CADPS2: variants seen among roughly 807,000 people sequenced by gnomAD.
CADPS2 encodes the protein calcium dependent secretion activator 2.
A neutral mutation model predicts 172.5 loss-of-function variants in CADPS2; 93 were observed. That is an observed-to-expected ratio of 0.54 (90% CI 0.46 to 0.64). CADPS2 has a LOEUF of 0.64. CADPS2 is among the 30% of genes least tolerant of loss of function. The pLI is 0.00. For synonymous variants in CADPS2, 546 were observed against 555.2 expected, an observed-to-expected ratio of 0.98 and a Z score of 0.23; for missense variants, 1,420 against 1,565.9, an observed-to-expected ratio of 0.91 and a Z score of 1.57.
intron 1 of CADPS2, among the ~76,000 whole-genome samples, chr7:122,856,273 A>T (rs897974652): frequency 1.8e-4 from 27 of 152,160 alleles, no homozygotes; most frequent in African/African-American, 5.1e-4. Context: ...AATATCCCCA[A>T]ATCTTTTTCT....
At chr7:122,645,543 T>C (rs1159133064) in intron 3 of CADPS2, among the ~76,000 whole-genome samples, 1 of 120,444 alleles carries the variant, frequency 8.3e-6, no homozygotes, top group African/African-American at 3.6e-5. Context: ...TATATATACT[T>C]ATATATATAC....
At position 122,516,006 on chromosome 7, in the gene CADPS2, T is replaced by C. The variant is rs1254910425; in HGVS notation, c.1476-2691A>G. ...CATCAAAATGACAGATTAACAAAAT[T>C]GGATTAAAATATATGGTTTCTTTGA... On this transcript the variant is annotated intron_variant, in intron 8 of 29. Coordinates refer to ENST00000449022, the MANE Select transcript of CADPS2 (RefSeq NM_017954.11). 3.3e-5 allele frequency among the ~76,000 whole-genome samples: 5 copies of C among 151,950 alleles called. No homozygotes were observed. In the East Asian group the frequency reaches 9.6e-4, roughly 29 times the overall value.
intron 29 of CADPS2, among the ~76,000 whole-genome samples, chr7:122,324,308 TA>T (rs1394318733): frequency 1.3e-5 from 2 of 152,154 alleles, no homozygotes; most frequent in African/African-American, 2.4e-5. Flanking sequence ...CAAGCAGGCA[TA>T]AAAATAATTT....
At chr7:122,720,455 C>A (rs1588718727) in intron 2 of CADPS2, among the ~76,000 whole-genome samples, 2 of 149,448 alleles carry the variant, frequency 1.3e-5, no homozygotes, top group African/African-American at 4.9e-5. Flanking sequence ...TACATATCTA[C>A]ATGTATATGT....
At chr7:122,573,560 C>T (rs901747040) in intron 7 of CADPS2, among the ~76,000 whole-genome samples, 10 of 152,030 alleles carry the variant, frequency 6.6e-5, no homozygotes, top group South Asian at 6.2e-4. Context: ...AAAAAACCCT[C>T]TTCAGGCAGC....
At chr7:122,719,266 GGAGA>G (rs893346093) in intron 2 of CADPS2, among the ~76,000 whole-genome samples, 11 of 151,976 alleles carry the variant, frequency 7.2e-5, no homozygotes, top group Admixed American at 3.9e-4. Context: ...AAGGGGTGGG[GGAGA>G]GAGAAAGGGA....
intron 1 of CADPS2, among the ~76,000 whole-genome samples, chr7:122,863,822 G>A (rs971863387): frequency 2.6e-5 from 4 of 152,288 alleles, no homozygotes; most frequent in African/African-American, 2.4e-5. Context: ...CTGAGGTCAG[G>A]CATTTGAGAA....
At chr7:122,416,028 T>C (rs1220242204) in intron 18 of CADPS2, 33 bp downstream of exon 18, 3 of 1,360,292 alleles carry the variant, frequency 2.2e-6, no homozygotes, top group East Asian at 2.5e-5. Flanking sequence ...GCCTTACATA[T>C]AGCTTTATAC....
chr7:122,760,818 G>A (rs1051592190), intron 1 of CADPS2, among the ~76,000 whole-genome samples: 2 of 133,960 alleles, frequency 1.5e-5, no homozygotes, highest in South Asian at 2.8e-4. Context: ...GTTGTGGGGT[G>A]GGGGGAGGGG....
intron 1 of CADPS2, among the ~76,000 whole-genome samples, chr7:122,764,041 G>A (rs1021351998): frequency 3.3e-5 from 5 of 151,942 alleles, no homozygotes; most frequent in East Asian, 1.9e-4. Flanking sequence ...TAAGATGCTC[G>A]AGCTTTTTGG....
chr7:122,596,239 G>A (rs183597697), intron 6 of CADPS2, among the ~76,000 whole-genome samples: 3 of 152,184 alleles, frequency 2.0e-5, no homozygotes, highest in South Asian at 2.1e-4. Context: ...GAACATTTAA[G>A]CTCATTTTGT....
chr7:122,672,398 C>T (rs183091796), intron 2 of CADPS2, among the ~76,000 whole-genome samples: 2 of 152,194 alleles, frequency 1.3e-5, no homozygotes, highest in African/African-American at 2.4e-5. Context: ...ATGCTGGTGT[C>T]GAAGCTGTCA....
chr7:122,380,496 C>CA (rs2042868585), intron 24 of CADPS2, among the ~76,000 whole-genome samples: 1 of 151,246 alleles, frequency 6.6e-6, no homozygotes, highest in African/African-American at 2.4e-5. Context: ...AAACATGTCT[C>CA]AAAGTTTCCA....
chr7:122,806,449 G>C (rs1798817906), intron 1 of CADPS2, among the ~76,000 whole-genome samples: 1 of 152,132 alleles, frequency 6.6e-6, no homozygotes, highest in African/African-American at 2.4e-5. Flanking sequence ...TATCTCTTTA[G>C]TTACTTCACT....
At chr7:122,442,783 AG>A (rs2051534318) in intron 15 of CADPS2, among the ~76,000 whole-genome samples, 1 of 151,274 alleles carries the variant, frequency 6.6e-6, no homozygotes, top group East Asian at 1.9e-4. Context: ...TAGTCACTCA[AG>A]TTTTTTTTTT....
rs1467772560 is a variant in CADPS2 at position 122,645,223 on chromosome 7, TAC to T, written c.787-15897_787-15896del. Among the ~76,000 whole-genome samples the T allele has an allele frequency of 6.0e-5, 4 of 66,770 alleles. No homozygotes were observed. In the East Asian group the frequency reaches 2.0e-3, roughly 34 times the overall value. 43.8% of individuals were successfully genotyped at this position (66,770 alleles called of 152,430 possible). A position where few individuals can be genotyped will look rare whatever the true frequency, so the allele number is the denominator to read the frequency against. On this transcript the variant is annotated intron_variant, in intron 3 of 29. Transcript: ENST00000449022. ...ATATGTATATACATAAGTATATATA[TAC>T]GCTAAGTATATATATACACACATGT... is the stretch of plus-strand genomic sequence containing the variant.
At chr7:122,447,059 A>G (rs1239298544) in intron 15 of CADPS2, among the ~76,000 whole-genome samples, 1 of 29,040 alleles carries the variant, frequency 3.4e-5, no homozygotes, top group Non-Finnish European at 6.7e-5. Flanking sequence ...TTTTTTTTTG[A>G]CCACATTCCC....
intron 14 of CADPS2, among the ~76,000 whole-genome samples, chr7:122,464,709 A>G (rs1218604297): frequency 1.3e-5 from 2 of 152,324 alleles, no homozygotes; most frequent in Middle Eastern, 3.4e-3. Context: ...GACATTTGAT[A>G]AAACACTTGA....
At chr7:122,463,141 A>G (rs769808006) in intron 14 of CADPS2, among the ~76,000 whole-genome samples, 1 of 151,548 alleles carries the variant, frequency 6.6e-6, no homozygotes, top group Non-Finnish European at 1.5e-5. Flanking sequence ...CTGCCTAAAG[A>G]ATACATATAT....
Sources: allele counts gnomAD v4.1 joint callset (sites outside exome capture counted in the v4.1 genomes callset), GRCh38; gene constraint gnomAD v4.1.1; transcripts MANE v1.5; gene names NCBI Gene and HGNC (gene_info 2026-07-23, HGNC 2026-07-21).